SPON1: variants seen among roughly 807,000 people sequenced by gnomAD.
SPON1 encodes the protein spondin-1.
In SPON1, 52 loss-of-function variants were observed where a neutral mutation model predicts 111.7. The ratio of observed to expected loss-of-function variants is 0.47; its 90% CI spans 0.37 to 0.59. The LOEUF is 0.59. Among genes scored for constraint, SPON1 ranks in the 20% least tolerant of loss-of-function variants. SPON1 has a pLI of 0.00. For missense variants in SPON1, 957 were observed against 1,068.5 expected (o/e 0.90, Z 1.46); for synonymous variants, 410 against 395.8 (o/e 1.04, Z -0.43).
At chr11:14,050,022 G>A (rs1848696825) in intron 3 of SPON1, among the ~76,000 whole-genome samples, 2 of 125,754 alleles carry the variant, frequency 1.6e-5, no homozygotes, top group African/African-American at 5.4e-5. Context: ...GCATCACTCA[G>A]GGTGCTTAGG....
intron 7 of SPON1, among the ~76,000 whole-genome samples, chr11:14,244,036 G>T (rs1157594870): frequency 6.6e-6 from 1 of 152,144 alleles, no homozygotes; most frequent in Non-Finnish European, 1.5e-5. Context: ...GAGAAATATT[G>T]AAAGTACAGT....
At chr11:14,145,350 C>G (rs1183365965) in intron 6 of SPON1, among the ~76,000 whole-genome samples, 2 of 152,088 alleles carry the variant, frequency 1.3e-5, no homozygotes, top group African/African-American at 4.8e-5. Context: ...CTGAGAATCT[C>G]TGTATGAGAG....
chr11:14,027,126 G>A (rs1167705925), intron 2 of SPON1, among the ~76,000 whole-genome samples: 7 of 152,162 alleles, frequency 4.6e-5, no homozygotes, highest in Non-Finnish European at 7.3e-5. Context: ...TCTCTCTGCC[G>A]GGAGGCACTG....
chr11:14,001,362 T>C (rs1848317530), intron 2 of SPON1, among the ~76,000 whole-genome samples: 1 of 152,172 alleles, frequency 6.6e-6, no homozygotes, highest in Non-Finnish European at 1.5e-5. Context: ...CTCCTCCAGC[T>C]TGAGGCATGG....
At chr11:14,119,922 A>G (rs1264278921) in intron 5 of SPON1, among the ~76,000 whole-genome samples, 1 of 152,208 alleles carries the variant, frequency 6.6e-6, no homozygotes, top group African/African-American at 2.4e-5. Context: ...ATAAAATTTA[A>G]AATTTATCTC....
chr11:14,161,762 G>T (rs1564920408), intron 6 of SPON1, among the ~76,000 whole-genome samples: 1 of 152,142 alleles, frequency 6.6e-6, no homozygotes. Flanking sequence ...TCGAAGTACA[G>T]TTTCCACTGA....
intron 2 of SPON1, among the ~76,000 whole-genome samples, chr11:14,008,159 A>G (rs1848377594): frequency 2.0e-5 from 3 of 152,218 alleles, no homozygotes; most frequent in Non-Finnish European, 1.5e-5. Flanking sequence ...TTAAAAATAC[A>G]GTATAACAAC....
intron 2 of SPON1, among the ~76,000 whole-genome samples, chr11:14,038,126 A>G (rs1215660154): frequency 6.6e-6 from 1 of 151,928 alleles, no homozygotes; most frequent in African/African-American, 2.4e-5. Flanking sequence ...AGATCGTGCC[A>G]CTGCACTCCA....
At chr11:14,072,855 C>G (rs1848887666) in intron 3 of SPON1, among the ~76,000 whole-genome samples, 1 of 152,154 alleles carries the variant, frequency 6.6e-6, no homozygotes, top group Non-Finnish European at 1.5e-5. Context: ...TCTGGGCACA[C>G]TCTTCAAAGA....
chr11:14,068,990 G>T (rs1348896659), intron 3 of SPON1, among the ~76,000 whole-genome samples: 2 of 152,306 alleles, frequency 1.3e-5, no homozygotes, highest in Non-Finnish European at 2.9e-5. Context: ...GTTTTGCAAA[G>T]TGTCACCATT....
chr11:14,260,743 C>G lies in SPON1; in HGVS notation c.1987C>G (p.Pro663Ala), dbSNP rs782736362. 6.2e-6 allele frequency: 10 copies of G among 1,613,386 alleles called. No homozygotes were observed. In the East Asian group the frequency reaches 6.7e-5, roughly 11 times the overall value. Residue 663 changes from proline to alanine, a missense_variant, in exon 14 of 16, where the codon CCT becomes GCT. Pro to Ala is a conservative substitution (Grantham distance 27, BLOSUM62 -1). Around this residue, in one of 5 missense-constraint regions of SPON1, gnomAD observed 549 missense variants for 606.2 expected, o/e 0.91. Transcript: ENST00000576479. ...GGAGCAGGTGGAGAAGTGCATGCTC[C>G]CTGAATGCCGTAAGTCCTGGAGCTC... The part of the protein sequence containing the change: ...DLEQVEKCML[P>A]ECPIDCELTE...
intron 2 of SPON1, among the ~76,000 whole-genome samples, chr11:14,029,338 C>G (rs955587158): frequency 1.3e-5 from 2 of 151,974 alleles, no homozygotes; most frequent in Non-Finnish European, 2.9e-5. Context: ...AAGCGGGACA[C>G]GAGAATGATA....
Position 14,262,608 on chromosome 11 carries a change from C to T in SPON1, c.1997-104C>T, listed in dbSNP as rs782678057. On this transcript the variant is annotated intron_variant, in intron 14 of 15. Coordinates refer to ENST00000576479, the MANE Select transcript of SPON1 (RefSeq NM_006108.4). ...TTCTGTAAAATAGCATGACACAGCA[C>T]CTGCTTTGCATCCCTCATAGGCTTG... 9.7e-6 allele frequency: 14 copies of T among 1,437,852 alleles called. No individual in the cohort carries two copies. In the East Asian group the frequency reaches 3.0e-4, roughly 31 times the overall value. The allele number at this position is 1,437,852 out of a possible 1,614,324, so 89.1% of individuals were successfully genotyped here. A position where few individuals can be genotyped will look rare whatever the true frequency, so the allele number is the denominator to read the frequency against.
intron 6 of SPON1, among the ~76,000 whole-genome samples, chr11:14,167,498 C>A (rs1848043995): frequency 1.4e-5 from 1 of 70,572 alleles, no homozygotes; most frequent in African/African-American, 5.7e-5. Flanking sequence ...GCCATTTACC[C>A]AAAGGAGAAA....
In SPON1 at chr11:14,130,224, C is replaced by T. The variant is rs143202310; in HGVS notation, c.677-5196C>T. ...TCTGCCTGACTCCAGAACACATGTT[C>T]ATCTCCCTACATCCCACTGTGAGGT... On this transcript the variant is annotated intron_variant, in intron 5 of 15. Coordinates refer to ENST00000576479, the MANE Select transcript of SPON1 (RefSeq NM_006108.4). Among the ~76,000 whole-genome samples the T allele has an allele frequency of 4.4e-3, 672 of 152,312 alleles. 6 individuals carry two copies. Among genetic ancestry groups the T allele is most frequent in the African/African-American group, 0.015 (618 of 41,568 alleles).
intron 6 of SPON1, among the ~76,000 whole-genome samples, chr11:14,194,772 T>C (rs1380050744): frequency 6.6e-6 from 1 of 152,212 alleles, no homozygotes; most frequent in Admixed American, 6.5e-5. Context: ...GATTTTAGGG[T>C]AAAACACTGG....
chr11:14,244,041 T>C (rs1184765559), intron 7 of SPON1, among the ~76,000 whole-genome samples: 5 of 152,234 alleles, frequency 3.3e-5, no homozygotes, highest in Non-Finnish European at 7.3e-5. Context: ...ATATTGAAAG[T>C]ACAGTGAGTG....
At chr11:14,158,673 C>G (rs1554930612) in intron 6 of SPON1, among the ~76,000 whole-genome samples, 1 of 152,200 alleles carries the variant, frequency 6.6e-6, no homozygotes, top group East Asian at 1.9e-4. Context: ...TCTTGGCCTT[C>G]AAGTCCTGGC....
At chr11:14,227,468 A>G (rs1163161405) in intron 6 of SPON1, among the ~76,000 whole-genome samples, 1 of 152,146 alleles carries the variant, frequency 6.6e-6, no homozygotes, top group African/African-American at 2.4e-5. Flanking sequence ...AAGCAAATTT[A>G]ACTCTGACTT....
Sources: gnomAD v4.1 joint callset for allele counts (sites outside exome capture counted in the v4.1 genomes callset) on GRCh38, gnomAD v4.1.1 for gene constraint, gnomAD v4.1.1 regional missense constraint, MANE v1.5 for transcripts, NCBI Gene and HGNC (gene_info 2026-07-23, HGNC 2026-07-21) for gene names.